Variants in PRDM11 observed in about 807,000 individuals in gnomAD.
PRDM11 encodes PR domain-containing protein 11.
PRDM11 carries 20 observed loss-of-function variants against 97.8 expected under a neutral mutation model. The ratio of observed to expected loss-of-function variants is 0.20; its 90% confidence interval spans 0.14 to 0.30. The LOEUF is 0.30. Ranked by LOEUF, PRDM11 falls within the 10% of genes least tolerant of loss-of-function variation. The pLI is 1.00. For synonymous variants in PRDM11, 599 were observed against 637.7 expected, an observed-to-expected ratio of 0.94 and a Z score of 0.91; for missense variants, 1,139 against 1,555.2, an observed-to-expected ratio of 0.73 and a Z score of 4.50.
intron 1 of PRDM11, among the ~76,000 whole-genome samples, chr11:45,122,683 A>G (rs1852465765): frequency 1.3e-5 from 2 of 151,976 alleles, no homozygotes; most frequent in Non-Finnish European, 2.9e-5. Flanking sequence ...CTCATTTTTT[A>G]TGGCTGCATA....
chr11:45,229,123 T>C lies in PRDM11; in HGVS notation c.*964T>C, dbSNP rs776045508. The C allele has an allele frequency of 6.6e-6, 1 of 152,144 alleles. No individual in the cohort carries two copies. Among genetic ancestry groups the C allele is most frequent in the Non-Finnish European group, 1.5e-5 (1 of 68,014 alleles). The allele number at this position is 152,144 out of a possible 1,614,324, so 9.4% of individuals were successfully genotyped here. A position where few individuals can be genotyped will look rare whatever the true frequency, so the allele number is the denominator to read the frequency against. ...ATTTTTGGCTAAAAAACAAGGAAAA[T>C]GAAAAGTACATATTCGAGTTACATG... On this transcript the variant is annotated 3_prime_UTR_variant, in exon 8 of 8. Transcript: ENST00000683152.
rs1852519373 is a variant in PRDM11, at chr11:45,181,901, G to A, written c.119+16G>A. ...GCCAGCCCTGGTGAGGCCCCTGTGTGGGAACTGGAGAGGGAGAAGTGGGAG... is the reference window on the plus strand; with the variant it reads ...GCCAGCCCTGGTGAGGCCCCTGTGTAGGAACTGGAGAGGGAGAAGTGGGAG... On this transcript the variant is annotated intron_variant, in intron 2 of 7. Coordinates refer to ENST00000683152, the MANE Select transcript of PRDM11 (RefSeq NM_001384648.1). The A allele has an allele frequency of 3.1e-6, 5 of 1,604,644 alleles. No homozygotes were observed. Among genetic ancestry groups the A allele is most frequent in the Non-Finnish European group, 4.3e-6 (5 of 1,174,622 alleles).
At chr11:45,127,339 C>A (rs1452519222) in intron 1 of PRDM11, among the ~76,000 whole-genome samples, 2 of 152,236 alleles carry the variant, frequency 1.3e-5, no homozygotes, top group African/African-American at 4.8e-5. Context: ...CCCAACTTGT[C>A]AAAGTCATTC....
intron 1 of PRDM11, among the ~76,000 whole-genome samples, chr11:45,162,949 G>A (rs780565772): frequency 9.9e-5 from 15 of 152,242 alleles, no homozygotes; most frequent in Admixed American, 2.6e-4. Context: ...AGCACTGATG[G>A]GGAGGGTCCA....
chr11:45,113,242 A>G (rs1565229466), intron 1 of PRDM11, among the ~76,000 whole-genome samples: 1 of 152,106 alleles, frequency 6.6e-6, no homozygotes, highest in Non-Finnish European at 1.5e-5. Context: ...TGTATGCTTT[A>G]TCAAAGAGCA....
At chr11:45,188,706 C>T (rs972336291) in intron 4 of PRDM11, among the ~76,000 whole-genome samples, 1 of 152,216 alleles carries the variant, frequency 6.6e-6, no homozygotes, top group Admixed American at 6.5e-5. Flanking sequence ...GAAAGACATG[C>T]CCCTTGCTCT....
At chr11:45,163,644 C>T (rs1350397150) in intron 1 of PRDM11, among the ~76,000 whole-genome samples, 1 of 152,258 alleles carries the variant, frequency 6.6e-6, no homozygotes, top group Admixed American at 6.5e-5. Context: ...TAGGCTCAAC[C>T]ACATGTTTGC....
intron 1 of PRDM11, among the ~76,000 whole-genome samples, chr11:45,105,401 C>A (rs1406896690): frequency 6.6e-6 from 1 of 152,222 alleles, no homozygotes; most frequent in Non-Finnish European, 1.5e-5. Context: ...CTAGTGAGAA[C>A]CCTCATCTAT....
chr11:45,213,551 C>T (rs1238995701), intron 5 of PRDM11: 2 of 456,370 alleles, frequency 4.4e-6, no homozygotes, highest in Non-Finnish European at 8.8e-6. Context: ...CCTCCGCTTG[C>T]CCTTGTGCGC....
intron 1 of PRDM11, among the ~76,000 whole-genome samples, chr11:45,167,988 C>T (rs1296482129): frequency 1.3e-5 from 2 of 152,180 alleles, no homozygotes; most frequent in Non-Finnish European, 2.9e-5. Flanking sequence ...AGGAGGACTG[C>T]GGTGCAGAAC....
At chr11:45,148,423 C>T (rs1851577800) in intron 1 of PRDM11, among the ~76,000 whole-genome samples, 1 of 152,148 alleles carries the variant, frequency 6.6e-6, no homozygotes, top group Admixed American at 6.5e-5. Context: ...AAGAAGTGTT[C>T]TCCCCCAGAA....
intron 1 of PRDM11, among the ~76,000 whole-genome samples, chr11:45,118,992 G>A (rs1852363061): frequency 6.6e-6 from 1 of 152,162 alleles, no homozygotes; most frequent in Non-Finnish European, 1.5e-5. Context: ...CTCCACTGAG[G>A]GAGAGAAAAA....
At chr11:45,160,260 G>C (rs945047754) in intron 1 of PRDM11, among the ~76,000 whole-genome samples, 1 of 152,172 alleles carries the variant, frequency 6.6e-6, no homozygotes, top group African/African-American at 2.4e-5. Context: ...TCCCAAGGCA[G>C]CTCATTGGAT....
rs1854401748 is a variant in PRDM11 at position 45,231,665 on chromosome 11, C to T, written c.*3506C>T. On this transcript the variant is annotated 3_prime_UTR_variant, in exon 8 of 8. Coordinates refer to ENST00000683152, the MANE Select transcript of PRDM11 (RefSeq NM_001384648.1). ...ACCTGGCAGAGCCTGGGAGCCAGAGCCCTTATGATTAATATGATCTGCTTT... is the reference window on the plus strand; with the variant it reads ...ACCTGGCAGAGCCTGGGAGCCAGAGTCCTTATGATTAATATGATCTGCTTT... The T allele has an allele frequency of 6.6e-6, 1 of 151,368 alleles. No individual in the cohort carries two copies. The highest frequency in any genetic ancestry group is 2.0e-4 in the East Asian group (1 of 5,128). The allele number at this position is 151,368 out of a possible 1,614,324, so 9.4% of individuals were successfully genotyped here. A position where few individuals can be genotyped will look rare whatever the true frequency, so the allele number is the denominator to read the frequency against.
chr11:45,194,495 A>G (rs527957665), intron 4 of PRDM11, among the ~76,000 whole-genome samples: 9 of 152,238 alleles, frequency 5.9e-5, no homozygotes, highest in South Asian at 2.1e-4. Context: ...AACAACAATA[A>G]CAACAATAAT....
chr11:45,104,533 G>A (rs963508651), intron 1 of PRDM11, among the ~76,000 whole-genome samples: 2 of 152,254 alleles, frequency 1.3e-5, no homozygotes, highest in East Asian at 1.9e-4. Flanking sequence ...ATGGGCAAGA[G>A]CCTCTCCATT....
chr11:45,122,030 T>C (rs1164366424), intron 1 of PRDM11, among the ~76,000 whole-genome samples: 2 of 151,256 alleles, frequency 1.3e-5, no homozygotes, highest in African/African-American at 4.9e-5. Flanking sequence ...AACAGCAAAT[T>C]AAACCTCAAG....
At chr11:45,150,727 G>A (rs888721810) in intron 1 of PRDM11, among the ~76,000 whole-genome samples, 6 of 152,164 alleles carry the variant, frequency 3.9e-5, no homozygotes, top group Non-Finnish European at 5.9e-5. Context: ...CTGCTCATCT[G>A]GATAGTATAT....
intron 1 of PRDM11, among the ~76,000 whole-genome samples, chr11:45,173,187 G>T (rs547874316): frequency 6.6e-6 from 1 of 152,090 alleles, no homozygotes; most frequent in Non-Finnish European, 1.5e-5. Context: ...CTGGGCAAAG[G>T]CTCGGTGTCT....
Sources: gnomAD v4.1 joint callset for allele counts (sites outside exome capture counted in the v4.1 genomes callset) on GRCh38, gnomAD v4.1.1 for gene constraint, MANE v1.5 for transcripts, NCBI Gene and HGNC (gene_info 2026-07-23, HGNC 2026-07-21) for gene names.